ASH1L: variants seen among roughly 807,000 people sequenced by gnomAD.
The protein encoded by ASH1L is ASH1 like histone lysine methyltransferase.
In ASH1L, 23 loss-of-function variants were observed where a neutral mutation model predicts 269.0. The observed-to-expected ratio is 0.09, with a 90% CI of 0.06 to 0.12. The LOEUF (loss-of-function observed/expected upper bound fraction) is 0.12. Among genes scored for constraint, ASH1L ranks in the 10% least tolerant of loss-of-function variants. The probability of loss-of-function intolerance (pLI) is 1.00; values close to 1 mark genes in which losing one functional copy is unlikely to be tolerated. For missense variants in ASH1L, 2,912 were observed against 3,567.8 expected, an observed-to-expected ratio of 0.82 and a Z score of 4.68; for synonymous variants, 1,187 against 1,253.5, an observed-to-expected ratio of 0.95 and a Z score of 1.12.
chr1:155,463,871 C>T (rs1335473623), intron 3 of ASH1L, among the ~76,000 whole-genome samples: 1 of 152,102 alleles, frequency 6.6e-6, no homozygotes, highest in Admixed American at 6.6e-5. Flanking sequence ...CTATTAACAT[C>T]AAGCATTTAC....
intron 12 of ASH1L, among the ~76,000 whole-genome samples, chr1:155,367,450 C>A (rs1386682763): frequency 6.6e-6 from 1 of 152,080 alleles, no homozygotes; most frequent in Admixed American, 6.5e-5. Context: ...ATGTCATCTG[C>A]GAATAATGGT....
chr1:155,393,913 TGG>T (rs1482199492), intron 7 of ASH1L, among the ~76,000 whole-genome samples: 5 of 152,116 alleles, frequency 3.3e-5, no homozygotes, highest in Admixed American at 2.0e-4. Flanking sequence ...TACCAGGTGC[TGG>T]GAAATCCAGG....
At chr1:155,403,737 G>T (rs1659041534) in intron 6 of ASH1L, among the ~76,000 whole-genome samples, 2 of 152,018 alleles carry the variant, frequency 1.3e-5, no homozygotes, top group Admixed American at 1.3e-4. Context: ...GAAAACAAAA[G>T]TAAATTTCTT....
At chr1:155,411,586 AATATAT>A (rs368800129) in intron 6 of ASH1L, among the ~76,000 whole-genome samples, 3,190 of 55,188 alleles carry the variant, frequency 0.058, 236 homozygotes, top group Middle Eastern at 0.078. Flanking sequence ...TAAATAAATA[AATATAT>A]ATATATATAT....
intron 3 of ASH1L, among the ~76,000 whole-genome samples, chr1:155,460,107 A>G (rs1571268874): frequency 2.0e-5 from 3 of 152,230 alleles, no homozygotes; most frequent in East Asian, 3.8e-4. Flanking sequence ...TCTTATATAC[A>G]TAAGTTCTCC....
chr1:155,341,746 T>A (rs1652839092), intron 25 of ASH1L, among the ~76,000 whole-genome samples, 190 bp downstream of exon 25: 1 of 152,304 alleles, frequency 6.6e-6, no homozygotes, highest in African/African-American at 2.4e-5. Context: ...AACAATTTTC[T>A]GAGATACAGT....
chr1:155,349,436 ATCT>A lies in ASH1L; in HGVS notation c.7442_7444del (p.Lys2481del). The stretch of plus-strand genomic sequence containing the variant: ...GGTGATAAGATCTAGGGGATCAGAG[ATCT>A]TCTCATAATAATCAGCATTCCTGGA... On this transcript the variant is annotated inframe_deletion, in exon 19 of 28. Transcript: ENST00000392403. 1.2e-6 allele frequency: 2 copies of A among 1,614,108 alleles called. No homozygotes were observed. Among genetic ancestry groups the A allele is most frequent in the Non-Finnish European group, 1.7e-6 (2 of 1,180,022 alleles).
chr1:155,463,809 A>AATG (rs893597879), intron 3 of ASH1L, among the ~76,000 whole-genome samples: 25 of 152,106 alleles, frequency 1.6e-4, no homozygotes, highest in African/African-American at 5.1e-4. Flanking sequence ...TAATAATAAT[A>AATG]ATGATAGAAA....
At chr1:155,494,446 G>A (rs1333128414) in intron 2 of ASH1L, among the ~76,000 whole-genome samples, 4 of 152,066 alleles carry the variant, frequency 2.6e-5, no homozygotes, top group Non-Finnish European at 2.9e-5. Flanking sequence ...TTACTGTTGT[G>A]GATATGTCAA....
At chr1:155,446,682 C>T (rs61812088) in intron 4 of ASH1L, among the ~76,000 whole-genome samples, 1 of 144,168 alleles carries the variant, frequency 6.9e-6, no homozygotes, top group Non-Finnish European at 1.5e-5. Context: ...ACTGCAGTGG[C>T]GCGATCTCGG....
At chr1:155,449,659 AC>A (rs1663323415) in intron 4 of ASH1L, among the ~76,000 whole-genome samples, 2 of 151,844 alleles carry the variant, frequency 1.3e-5, no homozygotes, top group African/African-American at 4.8e-5. Flanking sequence ...AGCTGGGACT[AC>A]AGGCGCCCGC....
In ASH1L at chr1:155,390,638, C is replaced by G. The variant is rs1011647321; in HGVS notation, c.6103+4821G>C. Among the ~76,000 whole-genome samples the G allele has an allele frequency of 1.3e-4, 17 of 135,724 alleles. 1 individual carries two copies. The highest frequency in any genetic ancestry group is 1.2e-3 in the Admixed American group (16 of 13,630). 89.0% of individuals were successfully genotyped at this position (135,724 alleles called of 152,430 possible). A position where few individuals can be genotyped will look rare whatever the true frequency, so the allele number is the denominator to read the frequency against. ...TCTGTAGTTAATATCATTCTCCCCC[C>G]CCCCCCTTTTTTCTTTCTTTTTTTT... On this transcript the variant is annotated intron_variant, in intron 7 of 27. Transcript: ENST00000392403.
chr1:155,511,443 T>A (rs921036367), intron 2 of ASH1L, among the ~76,000 whole-genome samples: 1 of 152,248 alleles, frequency 6.6e-6, no homozygotes, highest in African/African-American at 2.4e-5. Context: ...CAATCCACTG[T>A]CAATTATTCC....
At chr1:155,470,664 G>A (rs1196631759) in intron 3 of ASH1L, among the ~76,000 whole-genome samples, 4 of 149,662 alleles carry the variant, frequency 2.7e-5, no homozygotes, top group Admixed American at 1.3e-4. Context: ...TGATTCTTGT[G>A]CCTCAGCCTC....
At chr1:155,386,717 T>C (rs1008642488) in intron 7 of ASH1L, among the ~76,000 whole-genome samples, 27 of 152,046 alleles carry the variant, frequency 1.8e-4, no homozygotes, top group Admixed American at 5.9e-4. Flanking sequence ...AATGGTTTTT[T>C]TTCTTGTATA....
At chr1:155,352,947 A>G (rs2148355258) in intron 16 of ASH1L, 89 bp from the exon 17 acceptor site, 6 of 1,319,856 alleles carry the variant, frequency 4.5e-6, no homozygotes, top group Non-Finnish European at 6.2e-6. Flanking sequence ...CATTTGCTCT[A>G]TTTTCCCCTG....
intron 1 of ASH1L, among the ~76,000 whole-genome samples, chr1:155,534,763 G>C (rs757543849): frequency 6.6e-6 from 1 of 152,128 alleles, no homozygotes; most frequent in Non-Finnish European, 1.5e-5. Flanking sequence ...AAATGAAAAA[G>C]TTAACGGAAT....
At chr1:155,506,843 T>C (rs1332602984) in intron 2 of ASH1L, among the ~76,000 whole-genome samples, 2 of 152,082 alleles carry the variant, frequency 1.3e-5, no homozygotes, top group African/African-American at 2.4e-5. Context: ...CCTGTAATCC[T>C]AGCACTTTGA....
At chr1:155,404,055 T>C (rs1265508988) in intron 6 of ASH1L, among the ~76,000 whole-genome samples, 2 of 121,774 alleles carry the variant, frequency 1.6e-5, no homozygotes, top group African/African-American at 6.4e-5. Flanking sequence ...AAACTCCGTC[T>C]CAAAAAAAAA....
Sources: gnomAD v4.1 joint callset for allele counts (sites outside exome capture counted in the v4.1 genomes callset) on GRCh38, gnomAD v4.1.1 for gene constraint, MANE v1.5 for transcripts, NCBI Gene and HGNC (gene_info 2026-07-23, HGNC 2026-07-21) for gene names.